Variants in TRIM17 observed in about 807,000 individuals in gnomAD.
The protein encoded by TRIM17 is E3 ubiquitin-protein ligase TRIM17.
A neutral mutation model predicts 35.8 loss-of-function variants in TRIM17; 27 were observed. That is an observed-to-expected ratio of 0.75 (90% CI 0.56 to 1.04). The LOEUF (loss-of-function observed/expected upper bound fraction) is 1.04. TRIM17 is among the 50% of genes least tolerant of loss of function. The pLI, the probability that TRIM17 is intolerant of heterozygous loss-of-function variation, is 0.00. For synonymous variants in TRIM17, 246 were observed against 252.6 expected (o/e 0.97, Z 0.25); for missense variants, 582 against 612.8 (o/e 0.95, Z 0.53).
chr1:228,408,752 C>T lies in TRIM17; in HGVS notation c.884-1G>A, dbSNP rs757014592. 1 of 1,598,980 alleles carries T rather than the reference C, an allele frequency of 6.3e-7. No homozygotes were observed. The highest frequency in any genetic ancestry group is 8.5e-7 in the Non-Finnish European group (1 of 1,178,844). On this transcript the variant is annotated splice_acceptor_variant, in intron 6 of 6. Coordinates refer to ENST00000366698, the MANE Select transcript of TRIM17 (RefSeq NM_016102.4). LOFTEE classifies it high-confidence loss of function. The surrounding 1 kb of genome is among the most constrained non-coding windows in gnomAD (Gnocchi z 6.3). ...GAGGTGGCATCAGGCACCACATCCT[C>T]TGTAGATGGGCGTGGTGGTGGAGAG...
At position 228,408,992 on chromosome 1, in the gene TRIM17, C is replaced by T. The variant is rs776855201; in HGVS notation, c.883+180G>A. ...CCACTGGGAACTCAACAAGATTCAT[C>T]CCATGAATTAGAACCACCAGTAACG... On this transcript the variant is annotated intron_variant, in intron 6 of 6. Transcript: ENST00000366698. The surrounding 1 kb of genome is among the most constrained non-coding windows in gnomAD (Gnocchi z 6.3). 2.6e-6 allele frequency: 4 copies of T among 1,543,746 alleles called. No individual in the cohort carries two copies. Among genetic ancestry groups the T allele is most frequent in the Middle Eastern group, 1.7e-4 (1 of 5,904 alleles).
At chr1:228,416,239 G>T in intron 1 of TRIM17, 4 of 707,574 alleles carry the variant, frequency 5.7e-6, no homozygotes, top group Non-Finnish European at 1.7e-6. Flanking sequence ...CCAGCCCTCC[G>T]ACTCCCCCCA....
rs543598081 is a variant in TRIM17, at chr1:228,413,867, T to A, written c.455A>T (p.Tyr152Phe). 1 of 1,614,170 alleles carries A rather than the reference T, an allele frequency of 6.2e-7. No individual in the cohort carries two copies. The highest frequency in any genetic ancestry group is 1.3e-5 in the African/African-American group (1 of 75,048). Reference sequence around the variant, plus strand: ...TGTCCTGGTGATCTGCTCCCGAAGGTACTCCATGTCCTCCTCCAGCTTCAA... The same window carrying A: ...TGTCCTGGTGATCTGCTCCCGAAGGAACTCCATGTCCTCCTCCAGCTTCAA... ...YKLKLEEDME[Y>F]LREQITRTGN... The change falls in exon 3 of 7, where the codon TAC (tyrosine) becomes TTC (phenylalanine). Residue 152 changes from tyrosine (Y) to phenylalanine (F), a missense_variant. Tyr to Phe is a conservative substitution (Grantham distance 22). Coordinates refer to ENST00000366698, the MANE Select transcript of TRIM17 (RefSeq NM_016102.4).
intron 1 of TRIM17, chr1:228,415,871 G>C (rs1028214608): frequency 4.6e-5 from 7 of 152,484 alleles, no homozygotes; most frequent in South Asian, 2.1e-4. Context: ...CAGAAACACT[G>C]ATCCACAAAC....
intron 1 of TRIM17, chr1:228,415,339 G>A: frequency 2.4e-6 from 1 of 418,446 alleles, no homozygotes; most frequent in Non-Finnish European, 4.3e-6. Flanking sequence ...CTCTCCACTG[G>A]GCCTGGACCC....
Position 228,410,574 on chromosome 1 carries a change from G to C in TRIM17, c.756+372C>G, listed in dbSNP as rs1335507973. Among the ~76,000 whole-genome samples, 6 of 152,178 alleles carry C rather than the reference G, an allele frequency of 3.9e-5. No individual in the cohort carries two copies. Among genetic ancestry groups the C allele is most frequent in the Admixed American group, 3.9e-4 (6 of 15,278 alleles). ...CCCACTAATTCACAGGTTGAAGCCT[G>C]AACCCTCAGGACCTCAGAATGTGAC... On this transcript the variant is annotated intron_variant, in intron 4 of 6. Coordinates refer to ENST00000366698, the MANE Select transcript of TRIM17 (RefSeq NM_016102.4). This position sits in a 1 kb window ranked among gnomAD's most constrained non-coding sequence, Gnocchi z 4.6.
rs764364754 is a variant in TRIM17 at position 228,408,697 on chromosome 1, C to G, written c.938G>C (p.Ser313Thr). Residue 313 changes from serine (S) to threonine (T), a missense_variant, in exon 7 of 7, where the codon AGC becomes ACC. By Grantham distance (58) the Ser-to-Thr change is moderately conservative (BLOSUM62 1). Coordinates refer to ENST00000366698, the MANE Select transcript of TRIM17 (RefSeq NM_016102.4). This position sits in a 1 kb window ranked among gnomAD's most constrained non-coding sequence, Gnocchi z 6.3. ...AGAGCCGAGGTAGCGCCTCTGGCGG[C>G]TCTCATACAGGAGGAGGTAGGGGTA... ...SAYPYLLLYE[S>T]RQRRYLGSSP... The G allele has an allele frequency of 1.9e-6, 3 of 1,608,190 alleles. No individual in the cohort carries two copies. Among genetic ancestry groups the G allele is most frequent in the Non-Finnish European group, 1.7e-6 (2 of 1,179,992 alleles).
At position 228,414,906 on chromosome 1, in the gene TRIM17, C is replaced by G. The variant is rs201722915; in HGVS notation, c.167G>C (p.Arg56Pro). 1 of 1,613,458 alleles carries G rather than the reference C, an allele frequency of 6.2e-7. No individual in the cohort carries two copies. The highest frequency in any genetic ancestry group is 8.5e-7 in the Non-Finnish European group (1 of 1,180,036). The change falls in exon 2 of 7, where the codon CGG becomes CCG. Residue 56 changes from arginine (R) to proline (P), a missense_variant. Coordinates refer to ENST00000366698, the MANE Select transcript of TRIM17 (RefSeq NM_016102.4). ...CTCGGGGCAGGGGAAGGAGCCCTTC[C>G]GCTTCCGCCTCCCCTTCTTGCCCCT... ...KARGKKGRRK[R>P]KGSFPCPECR...
rs758372115 is a variant in TRIM17, at chr1:228,409,233, T to TG, written c.821dup (p.Thr275AsnfsTer14). ...CTCTGCACACAGTCCTGGGTCTGGT[T>TG]GGGGGGGCAACCTCTGGGCACTGCA... On this transcript the variant is annotated frameshift_variant, in exon 6 of 7. Transcript: ENST00000366698. LOFTEE classifies it high-confidence loss of function. 3.1e-5 allele frequency: 50 copies of TG among 1,613,490 alleles called. No homozygotes were observed. The highest frequency in any genetic ancestry group is 3.3e-5 in the South Asian group (3 of 91,066).
intron 1 of TRIM17, chr1:228,416,316 G>GGGGCTC (rs1657121506): frequency 1.1e-5 from 11 of 984,246 alleles, no homozygotes; most frequent in Non-Finnish European, 1.3e-5. Flanking sequence ...CAGCGGGCCT[G>GGGGCTC]GGGCTCTGGC....
chr1:228,412,161 T>C (rs1656816515), intron 3 of TRIM17, among the ~76,000 whole-genome samples: 1 of 152,158 alleles, frequency 6.6e-6, no homozygotes, highest in Non-Finnish European at 1.5e-5. Flanking sequence ...GCTTCAGGAA[T>C]GTGGGGCAGC....
intron 2 of TRIM17, among the ~76,000 whole-genome samples, 178 bp downstream of exon 2, chr1:228,414,465 TC>T (rs1656968782): frequency 1.3e-5 from 2 of 152,136 alleles, no homozygotes; most frequent in Non-Finnish European, 2.9e-5. Context: ...GCCCACATTG[TC>T]CCCAGGGACA....
At chr1:228,413,759 A>T in intron 3 of TRIM17, 38 bp downstream of exon 3, 1 of 1,516,780 alleles carries the variant, frequency 6.6e-7, no homozygotes, top group Non-Finnish European at 9.2e-7. Context: ...AAGATGGAGC[A>T]GCAGCAGGAA....
rs1469031191 is a variant in TRIM17, at chr1:228,416,529, G to A, written c.-42+10C>T. ...AGGGTAGCCTAGGCGGCGGGGTGGG[G>A]GCTACTCACCGCGGGGAAGGGGGGC... On this transcript the variant is annotated intron_variant, in intron 1 of 6. Coordinates refer to ENST00000366698, the MANE Select transcript of TRIM17 (RefSeq NM_016102.4). The A allele has an allele frequency of 6.1e-6, 6 of 985,628 alleles. No individual in the cohort carries two copies. In the East Asian group the frequency reaches 4.5e-4, roughly 75 times the overall value. The allele number at this position is 985,628 out of a possible 1,614,324, so 61.1% of individuals were successfully genotyped here.
In TRIM17 at chr1:228,414,810, T is replaced by C. The variant is rs150498801; in HGVS notation, c.263A>G (p.Gln88Arg). 8.1e-4 allele frequency: 1,312 copies of C among 1,613,414 alleles called. 9 individuals carry two copies. The African/African-American group carries it at 0.015, about 19-fold the overall frequency. ...RLLTKVAEMA[Q>R]QHPGLQKQDL... ...TTGCTTCTGCAGACCAGGATGCTGC[T>C]GCGCCATCTCGGCCACCTTGGTCAG... Residue 88 changes from glutamine to arginine, a missense_variant, in exon 2 of 7, where the codon CAG (glutamine) becomes CGG (arginine). Gln to Arg is a conservative substitution (Grantham distance 43, BLOSUM62 1). Coordinates refer to ENST00000366698, the MANE Select transcript of TRIM17 (RefSeq NM_016102.4).
At chr1:228,415,190 C>T in intron 1 of TRIM17, 77 bp from the exon 2 acceptor site, 1 of 1,209,280 alleles carries the variant, frequency 8.3e-7, no homozygotes, top group Non-Finnish European at 1.1e-6. Context: ...CCTCCCTTTA[C>T]AGAGGAGGGC....
chr1:228,409,079 C>A, intron 6 of TRIM17, 93 bp downstream of exon 6: 4 of 1,613,636 alleles, frequency 2.5e-6, no homozygotes, highest in Non-Finnish European at 3.4e-6. Context: ...CTTGTAGAAC[C>A]CCCCCCATTG....
chr1:228,416,797 G>GA lies in TRIM17; in HGVS notation c.-301dup. 1 of 984,474 alleles carries GA rather than the reference G, an allele frequency of 1.0e-6. No homozygotes were observed. The highest frequency in any genetic ancestry group is 1.2e-6 in the Non-Finnish European group (1 of 829,564). 61.0% of individuals were successfully genotyped at this position (984,474 alleles called of 1,614,324 possible). On this transcript the variant is annotated 5_prime_UTR_variant, in exon 1 of 7. Transcript: ENST00000366698. Reference sequence around the variant, plus strand: ...TAGGAGAGGTTGGGGGTGGCTTGGGGAAGGAAGGCGGCAGGGGGTGGAAGG... The same window carrying GA: ...TAGGAGAGGTTGGGGGTGGCTTGGGGAAAGGAAGGCGGCAGGGGGTGGAAGG...
rs1656926986 is a variant in TRIM17, at chr1:228,413,857, C to T, written c.465G>A (p.Glu155=). The part of the protein sequence containing the change: ...KLEEDMEYLR[E]QITRTGNLQA... ...GCAGATTCCCTGTCCTGGTGATCTGCTCCCGAAGGTACTCCATGTCCTCCT... is the reference window on the plus strand; with the variant it reads ...GCAGATTCCCTGTCCTGGTGATCTGTTCCCGAAGGTACTCCATGTCCTCCT... The change falls in exon 3 of 7, where the codon GAG becomes GAA. Residue 155 remains glutamate, a synonymous_variant. Transcript: ENST00000366698. The T allele has an allele frequency of 4.3e-6, 7 of 1,614,112 alleles. No homozygotes were observed. Among genetic ancestry groups the T allele is most frequent in the Non-Finnish European group, 5.9e-6 (7 of 1,180,044 alleles).
Sources: gnomAD v4.1 joint callset for allele counts (sites outside exome capture counted in the v4.1 genomes callset) on GRCh38, gnomAD v4.1.1 for gene constraint, Gnocchi (gnomAD v3.1) non-coding constraint, MANE v1.5 for transcripts, NCBI Gene and HGNC (gene_info 2026-07-23, HGNC 2026-07-21) for gene names.